The following DNAH11 variants were observed in gnomAD, a reference collection of about 807,000 sequenced individuals.
The protein encoded by DNAH11 is dynein axonemal heavy chain 11.
A neutral mutation model predicts 526.0 loss-of-function variants in DNAH11; 442 were observed. The ratio of observed to expected loss-of-function variants is 0.84; its 90% CI spans 0.78 to 0.91. The LOEUF is 0.91. DNAH11 is among the 40% of genes least tolerant of loss of function. The pLI, the probability that DNAH11 is intolerant of heterozygous loss-of-function variation, is 0.00. For synonymous variants in DNAH11, 2,461 were observed against 1,935.9 expected, an observed-to-expected ratio of 1.27 and a Z score of -7.12; for missense variants, 6,989 against 5,448.7, an observed-to-expected ratio of 1.28 and a Z score of -8.90.
chr7:21,820,745 G>A (rs1421380587), intron 65 of DNAH11, among the ~76,000 whole-genome samples: 2 of 152,122 alleles, frequency 1.3e-5, no homozygotes, highest in Non-Finnish European at 2.9e-5. Context: ...CAAGGGGCCT[G>A]TTTTTATCAG....
rs545868596 is a variant in DNAH11, at chr7:21,791,130, C to T, written c.10026+1788C>T. On this transcript the variant is annotated intron_variant, in intron 61 of 81. Coordinates refer to ENST00000409508, the MANE Select transcript of DNAH11 (RefSeq NM_001277115.2). Reference sequence around the variant, plus strand: ...AGGAATACAGGAGCAGGATGAGGAGCGTGAGGTGCCTGGCAGGGCAGCCAG... The same window carrying T: ...AGGAATACAGGAGCAGGATGAGGAGTGTGAGGTGCCTGGCAGGGCAGCCAG... 2.0e-4 allele frequency among the ~76,000 whole-genome samples: 30 copies of T among 152,216 alleles called. No individual in the cohort carries two copies. The South Asian group carries it at 5.4e-3, about 27-fold the overall frequency.
intron 63 of DNAH11, among the ~76,000 whole-genome samples, chr7:21,816,126 C>T (rs1051806512): frequency 5.3e-5 from 8 of 152,076 alleles, no homozygotes; most frequent in Non-Finnish European, 7.3e-5. Flanking sequence ...ATGGATTGCT[C>T]CATGGGCAAA....
Position 21,742,875 on chromosome 7 carries a change from T to G in DNAH11, c.8154+709T>G, listed in dbSNP as rs368874241. Among the ~76,000 whole-genome samples, 13 of 152,314 alleles carry G rather than the reference T, an allele frequency of 8.5e-5. No homozygotes were observed. The East Asian group carries it at 1.9e-3, about 23-fold the overall frequency. ...TAATTCATAAATAATAGAATTTTAT[T>G]TCTCACAGTTCTGGAGGCTGGGAAG... On this transcript the variant is annotated intron_variant, in intron 49 of 81. Coordinates refer to ENST00000409508, the MANE Select transcript of DNAH11 (RefSeq NM_001277115.2).
rs1226560314 is a variant in DNAH11, at chr7:21,558,892, A to G, written c.586A>G (p.Lys196Glu). The change falls in exon 3 of 82, where the codon AAA (lysine) becomes GAA (glutamate). Residue 196 changes from lysine to glutamate, a missense_variant. Coordinates refer to ENST00000409508, the MANE Select transcript of DNAH11 (RefSeq NM_001277115.2). ...TATGGAATATCACATAGAAGTCATG[A>G]AAAAGAAGATGTATATTTTTAGGGG... ...QDMEYHIEVM[K>E]KKMYIFRGKM... The G allele has an allele frequency of 6.2e-7, 1 of 1,606,546 alleles. No homozygotes were observed. Among genetic ancestry groups the G allele is most frequent in the South Asian group, 1.1e-5 (1 of 89,360 alleles).
At chr7:21,727,920 C>T (rs1412798232) in intron 45 of DNAH11, among the ~76,000 whole-genome samples, 1 of 152,210 alleles carries the variant, frequency 6.6e-6, no homozygotes, top group Non-Finnish European at 1.5e-5. Flanking sequence ...ATAGGCATCG[C>T]TTGCCGTGAC....
At chr7:21,791,983 G>A (rs1788498036) in intron 61 of DNAH11, among the ~76,000 whole-genome samples, 2 of 152,084 alleles carry the variant, frequency 1.3e-5, no homozygotes, top group African/African-American at 4.8e-5. Flanking sequence ...CTTTGGGCGG[G>A]GCCTCAGGAA....
At chr7:21,807,175 G>C (rs1370719559) in intron 62 of DNAH11, among the ~76,000 whole-genome samples, 1 of 152,158 alleles carries the variant, frequency 6.6e-6, no homozygotes, top group Non-Finnish European at 1.5e-5. Flanking sequence ...GTAGTGGGAA[G>C]AATGGAGAGC....
At chr7:21,762,634 T>A (rs1052020168) in intron 54 of DNAH11, among the ~76,000 whole-genome samples, 4 of 152,252 alleles carry the variant, frequency 2.6e-5, no homozygotes, top group African/African-American at 9.6e-5. Context: ...TTATTTCGTT[T>A]GTAACTAGAG....
chr7:21,802,268 A>C (rs10254975), intron 62 of DNAH11, among the ~76,000 whole-genome samples: 57,318 of 152,084 alleles, frequency 0.38, 11,590 homozygotes, highest in East Asian at 0.81. Flanking sequence ...AGAAATGCAA[A>C]TTAAAACCAC....
Position 21,620,062 on chromosome 7 carries a change from C to G in DNAH11, c.4484C>G (p.Thr1495Ser). The part of the protein sequence containing the change: ...LLKSDEQLFE[T>S]LEHNQVQLQT... Reference sequence around the variant, plus strand: ...AAGTCTGATGAACAACTTTTTGAAACTCTAGAGCACAACCAAGTAAGATGG... The same window carrying G: ...AAGTCTGATGAACAACTTTTTGAAAGTCTAGAGCACAACCAAGTAAGATGG... Residue 1495 changes from threonine (T) to serine (S), a missense_variant, in exon 25 of 82, where the codon ACT (threonine) becomes AGT (serine). By Grantham distance (58) the Thr-to-Ser change is moderately conservative (BLOSUM62 1). Coordinates refer to ENST00000409508, the MANE Select transcript of DNAH11 (RefSeq NM_001277115.2). 1 of 1,593,274 alleles carries G rather than the reference C, an allele frequency of 6.3e-7. No individual in the cohort carries two copies. The highest frequency in any genetic ancestry group is 8.5e-7 in the Non-Finnish European group (1 of 1,173,298).
At chr7:21,751,494 A>G (rs561725054) in intron 54 of DNAH11, among the ~76,000 whole-genome samples, 1 of 152,206 alleles carries the variant, frequency 6.6e-6, no homozygotes, top group Non-Finnish European at 1.5e-5. Flanking sequence ...ACTCATCAGG[A>G]AGCCAATTTA....
chr7:21,891,955 G>C (rs1287421094), intron 76 of DNAH11, among the ~76,000 whole-genome samples: 1 of 151,710 alleles, frequency 6.6e-6, no homozygotes, highest in Admixed American at 6.6e-5. Flanking sequence ...CAGTACTGTG[G>C]AAAGTATGGT....
intron 14 of DNAH11, among the ~76,000 whole-genome samples, chr7:21,594,967 G>C (rs1784813264): frequency 6.6e-6 from 1 of 152,208 alleles, no homozygotes; most frequent in Non-Finnish European, 1.5e-5. Context: ...CTGTTGTGTT[G>C]AGACCCTCTG....
intron 35 of DNAH11, among the ~76,000 whole-genome samples, chr7:21,691,167 ATT>A (rs939874805): frequency 8.2e-6 from 1 of 121,868 alleles, no homozygotes; most frequent in Non-Finnish European, 1.5e-5. Context: ...ATCTTTCATA[ATT>A]TTTTTTTTCT....
intron 72 of DNAH11, among the ~76,000 whole-genome samples, 166 bp from the exon 73 acceptor site, chr7:21,868,698 C>T (rs1783380956): frequency 6.6e-6 from 1 of 152,142 alleles, no homozygotes; most frequent in Non-Finnish European, 1.5e-5. Context: ...GTGGAGAGCT[C>T]AAAATGCTGC....
At chr7:21,710,515 C>T (rs374042838) in intron 40 of DNAH11, 38 bp from the exon 41 acceptor site, 37 of 1,518,638 alleles carry the variant, frequency 2.4e-5, no homozygotes, top group Admixed American at 1.0e-4. Context: ...ATCAATCTAT[C>T]GTAGAAATAA....
At chr7:21,820,204 A>G (rs552786783) in intron 65 of DNAH11, among the ~76,000 whole-genome samples, 5 of 152,332 alleles carry the variant, frequency 3.3e-5, no homozygotes, top group South Asian at 4.1e-4. Flanking sequence ...GAGCACTGCT[A>G]TATGCCAGGT....
chr7:21,690,748 C>G lies in DNAH11; in HGVS notation c.5925-17C>G. 1 of 1,570,944 alleles carries G rather than the reference C, an allele frequency of 6.4e-7. No individual in the cohort carries two copies. Among genetic ancestry groups the G allele is most frequent in the Non-Finnish European group, 8.7e-7 (1 of 1,146,142 alleles). On this transcript the variant is annotated splice_polypyrimidine_tract_variant and intron_variant, in intron 34 of 81. Coordinates refer to ENST00000409508, the MANE Select transcript of DNAH11 (RefSeq NM_001277115.2). ...CAATGAACACATTTAATTTCATCAA[C>G]ATTCTTTTTATGGTAGATTTGTATT... is the stretch of plus-strand genomic sequence containing the variant.
At chr7:21,750,101 T>G in intron 53 of DNAH11, 121 bp from the exon 54 acceptor site, 2 of 1,314,998 alleles carry the variant, frequency 1.5e-6, no homozygotes, top group Non-Finnish European at 2.0e-6. Context: ...ACGTTTCTGA[T>G]TTTAAACTCT....
Sources: gnomAD v4.1 joint callset for allele counts (sites outside exome capture counted in the v4.1 genomes callset) on GRCh38, gnomAD v4.1.1 for gene constraint, MANE v1.5 for transcripts, NCBI Gene and HGNC (gene_info 2026-07-23, HGNC 2026-07-21) for gene names.